Variants in WDR53 observed in about 807,000 individuals in gnomAD.
WDR53 encodes the protein WD repeat-containing protein 53.
WDR53 carries 19 observed loss-of-function variants against 21.3 expected under a neutral mutation model. That is an observed-to-expected ratio of 0.89 (90% CI 0.62 to 1.31). WDR53 has a LOEUF of 1.31. Ranked by LOEUF, WDR53 falls within the 50% of genes most tolerant of loss-of-function variation. The pLI is 0.00. For missense variants in WDR53, 374 were observed against 423.2 expected, an observed-to-expected ratio of 0.88 and a Z score of 1.02; for synonymous variants, 157 against 163.4, an observed-to-expected ratio of 0.96 and a Z score of 0.30.
In WDR53 at chr3:196,567,264, A is replaced by G; in HGVS notation, c.-404T>C. 1 of 456,836 alleles carries G rather than the reference A, an allele frequency of 2.2e-6. No homozygotes were observed. Among genetic ancestry groups the G allele is most frequent in the Non-Finnish European group, 4.4e-6 (1 of 226,968 alleles). The allele number at this position is 456,836 out of a possible 1,614,324, so 28.3% of individuals were successfully genotyped here. On this transcript the variant is annotated 5_prime_UTR_variant, in exon 2 of 4. Coordinates refer to ENST00000332629, the MANE Select transcript of WDR53 (RefSeq NM_182627.3). The stretch of plus-strand genomic sequence containing the variant: ...TCTGAAGTTGGACTTGATGTGGAGA[A>G]GCTGGATAGCAACCAAAATGATTGA...
At chr3:196,563,015 A>ATT (rs202012616) in intron 2 of WDR53, among the ~76,000 whole-genome samples, 3 of 151,294 alleles carry the variant, frequency 2.0e-5, no homozygotes, top group Admixed American at 1.3e-4. Flanking sequence ...ATTTTATTAA[A>ATT]TTTTTTTTTG....
intron 2 of WDR53, among the ~76,000 whole-genome samples, chr3:196,564,267 G>T (rs1284258091): frequency 6.6e-6 from 1 of 152,062 alleles, no homozygotes; most frequent in Non-Finnish European, 1.5e-5. Context: ...TAGTATTTAG[G>T]CTTAGGAACT....
At chr3:196,568,287 A>G (rs1735630063) in intron 1 of WDR53, among the ~76,000 whole-genome samples, 1 of 152,170 alleles carries the variant, frequency 6.6e-6, no homozygotes, top group Admixed American at 6.5e-5. Context: ...TCCGCTGCCC[A>G]AGCTACACAA....
chr3:196,560,526 C>G (rs944585115), intron 3 of WDR53, among the ~76,000 whole-genome samples: 1 of 152,100 alleles, frequency 6.6e-6, no homozygotes, highest in Non-Finnish European at 1.5e-5. Flanking sequence ...CGTGAGCCAC[C>G]GTGCCCAGCC....
chr3:196,558,061 G>A (rs1734496383), intron 3 of WDR53, among the ~76,000 whole-genome samples: 1 of 152,030 alleles, frequency 6.6e-6, no homozygotes. Flanking sequence ...ATAGGCATGA[G>A]CCACTGCGCC....
chr3:196,555,135 T>G (rs182001948), intron 3 of WDR53, among the ~76,000 whole-genome samples: 1 of 152,322 alleles, frequency 6.6e-6, no homozygotes, highest in South Asian at 2.1e-4. Context: ...AACCAAAGAT[T>G]ATCAAATTTG....
chr3:196,555,534 T>G (rs1734243641), intron 3 of WDR53, among the ~76,000 whole-genome samples: 1 of 152,068 alleles, frequency 6.6e-6, no homozygotes. Context: ...GTGCTTTTTG[T>G]TTTTTTTAAA....
At chr3:196,565,180 ACTC>A (rs1362785074) in intron 2 of WDR53, among the ~76,000 whole-genome samples, 2 of 139,894 alleles carry the variant, frequency 1.4e-5, no homozygotes, top group African/African-American at 2.6e-5. Flanking sequence ...TACACACTAA[ACTC>A]CTACTCTCTA....
At chr3:196,565,014 C>T (rs555523746) in intron 2 of WDR53, among the ~76,000 whole-genome samples, 26 of 152,132 alleles carry the variant, frequency 1.7e-4, no homozygotes, top group African/African-American at 4.1e-4. Flanking sequence ...AGTTTTGCTC[C>T]GAAGTGTGAG....
Position 196,554,580 on chromosome 3 carries a change from T to C in WDR53, c.708A>G (p.Gly236=), listed in dbSNP as rs1560298856. 6.2e-7 allele frequency: 1 copy of C among 1,614,038 alleles called. No individual in the cohort carries two copies. Among genetic ancestry groups the C allele is most frequent in the South Asian group, 1.1e-5 (1 of 91,066 alleles). ...ATACCCCTGAAGTGTGGCCCTTAAATCCCAGTTCCTGTTCACACTTAACTC... is the reference window on the plus strand; with the variant it reads ...ATACCCCTGAAGTGTGGCCCTTAAACCCCAGTTCCTGTTCACACTTAACTC... ...VMGVKCEQEL[G]FKGHTSGVSQ... The change falls in exon 4 of 4, where the codon GGA becomes GGG. Residue 236 remains glycine, a synonymous_variant. Coordinates refer to ENST00000332629, the MANE Select transcript of WDR53 (RefSeq NM_182627.3).
intron 2 of WDR53, among the ~76,000 whole-genome samples, chr3:196,562,387 G>A (rs878912644): frequency 3.9e-5 from 6 of 152,094 alleles, no homozygotes; most frequent in East Asian, 1.9e-4. Context: ...TCAGCCTCCC[G>A]AGTAGCTGAG....
intron 1 of WDR53, among the ~76,000 whole-genome samples, chr3:196,567,907 C>G (rs1047471099): frequency 6.6e-6 from 1 of 152,108 alleles, no homozygotes; most frequent in Admixed American, 6.5e-5. Flanking sequence ...CACGCCACCA[C>G]CCTCGGCTAA....
intron 3 of WDR53, among the ~76,000 whole-genome samples, chr3:196,555,992 AAAAT>A (rs1170126630): frequency 6.6e-6 from 1 of 152,252 alleles, no homozygotes; most frequent in Non-Finnish European, 1.5e-5. Context: ...AAGCTAAAGT[AAAAT>A]AAATAAATAT....
At chr3:196,559,304 G>A (rs971698996) in intron 3 of WDR53, among the ~76,000 whole-genome samples, 2 of 152,224 alleles carry the variant, frequency 1.3e-5, no homozygotes, top group African/African-American at 4.8e-5. Flanking sequence ...CAAAACCTAG[G>A]AGTGGAAAAG....
At position 196,554,717 on chromosome 3, in the gene WDR53, G is replaced by T. The variant is rs772433528; in HGVS notation, c.571C>A (p.Pro191Thr). Residue 191 changes from proline (P) to threonine (T), a missense_variant, in exon 4 of 4, where the codon CCT (proline) becomes ACT (threonine). Physicochemically the swap from Pro to Thr is conservative, Grantham distance 38 (BLOSUM62 -1). Transcript: ENST00000332629. The part of the protein sequence containing the change: ...ETEEMEGPQS[P>T]GQLLNPALAH... ...AGGGCAGGGTTTAAGAGCTGACCAG[G>T]TGACTGTGGGCCTTCCATTTCTTCT... 6.2e-7 allele frequency: 1 copy of T among 1,614,052 alleles called. No individual in the cohort carries two copies. Among genetic ancestry groups the T allele is most frequent in the Non-Finnish European group, 8.5e-7 (1 of 1,180,034 alleles).
chr3:196,561,243 A>G lies in WDR53; in HGVS notation c.233T>C (p.Leu78Pro). The G allele has an allele frequency of 6.2e-7, 1 of 1,614,270 alleles. No individual in the cohort carries two copies. The change falls in exon 3 of 4, where the codon CTG becomes CCG. Residue 78 changes from leucine (L) to proline (P), a missense_variant. Physicochemically the swap from Leu to Pro is moderately conservative, Grantham distance 98. Coordinates refer to ENST00000332629, the MANE Select transcript of WDR53 (RefSeq NM_182627.3). ...YASHGETISV[L>P]DVRSLKDSLD... ...GGAATCTTTGAGGGACCTGACATCC[A>G]GTACACTAATGGTTTCTCCATGTGA...
At chr3:196,563,851 C>T (rs1377523167) in intron 2 of WDR53, among the ~76,000 whole-genome samples, 1 of 152,166 alleles carries the variant, frequency 6.6e-6, no homozygotes. Flanking sequence ...GGATTATAGG[C>T]GTGCGTCACC....
intron 2 of WDR53, among the ~76,000 whole-genome samples, chr3:196,565,586 C>T (rs1164834519): frequency 6.6e-6 from 1 of 151,900 alleles, no homozygotes; most frequent in Non-Finnish European, 1.5e-5. Context: ...TTTGGAAAGC[C>T]CCAGAAACAG....
intron 3 of WDR53, among the ~76,000 whole-genome samples, chr3:196,558,450 G>A (rs1379827005): frequency 6.6e-6 from 1 of 151,906 alleles, no homozygotes; most frequent in Non-Finnish European, 1.5e-5. Context: ...CAAGTGATCT[G>A]CCTGCCTTGG....
Sources: gnomAD v4.1 joint callset for allele counts (sites outside exome capture counted in the v4.1 genomes callset) on GRCh38, gnomAD v4.1.1 for gene constraint, MANE v1.5 for transcripts, NCBI Gene and HGNC (gene_info 2026-07-23, HGNC 2026-07-21) for gene names.